The following SCN2A variants were observed in gnomAD, a reference collection of about 807,000 sequenced individuals.
SCN2A encodes sodium voltage-gated channel alpha subunit 2.
SCN2A carries 20 observed loss-of-function variants against 188.7 expected under a neutral mutation model. The observed-to-expected ratio is 0.11, with a 90% CI of 0.07 to 0.15. SCN2A has a LOEUF of 0.15. Ranked by LOEUF, SCN2A falls within the 10% of genes least tolerant of loss-of-function variation. The probability of loss-of-function intolerance (pLI) is 1.00; values close to 1 mark genes in which losing one functional copy is unlikely to be tolerated. For synonymous variants in SCN2A, 804 were observed against 833.1 expected (o/e 0.97, Z 0.60); for missense variants, 1,278 against 2,445.0 (o/e 0.52, Z 10.07).
At chr2:165,307,974 A>G (rs937383362) in intron 4 of SCN2A, 37 bp downstream of exon 4, 2 of 1,366,248 alleles carry the variant, frequency 1.5e-6, no homozygotes, top group South Asian at 1.2e-5. Context: ...ACCTCCCTTT[A>G]TGTTTCATAT....
intron 14 of SCN2A, among the ~76,000 whole-genome samples, chr2:165,339,191 A>G (rs1699176764): frequency 6.6e-6 from 1 of 151,788 alleles, no homozygotes; most frequent in African/African-American, 2.4e-5. Flanking sequence ...ACTGCACTCC[A>G]CACTTCAGCC....
chr2:165,291,770 G>A (rs1232727717), intron 1 of SCN2A, among the ~76,000 whole-genome samples: 1 of 151,486 alleles, frequency 6.6e-6, no homozygotes, highest in East Asian at 2.0e-4. Flanking sequence ...TTTCAGAAAT[G>A]CTTCTGTACC....
chr2:165,250,161 T>G (rs1694022188), intron 1 of SCN2A, among the ~76,000 whole-genome samples: 1 of 152,058 alleles, frequency 6.6e-6, no homozygotes, highest in African/African-American at 2.4e-5. Context: ...TTTTGTATGG[T>G]TCTATCAAGC....
intron 1 of SCN2A, among the ~76,000 whole-genome samples, chr2:165,250,911 G>C (rs1694061337): frequency 6.6e-6 from 1 of 151,908 alleles, no homozygotes; most frequent in Admixed American, 6.6e-5. Context: ...TGGTTTCCCA[G>C]ATTTCTGACC....
chr2:165,316,321 A>G (rs914655746), intron 11 of SCN2A, among the ~76,000 whole-genome samples: 21 of 152,282 alleles, frequency 1.4e-4, no homozygotes, highest in Non-Finnish European at 1.6e-4. Context: ...GTTTAGTTGT[A>G]CTTGATTATC....
chr2:165,365,055 A>G (rs1700649762), intron 17 of SCN2A, 88 bp from the exon 18 acceptor site: 3 of 1,174,406 alleles, frequency 2.6e-6, no homozygotes, highest in Non-Finnish European at 3.6e-6. Flanking sequence ...ATGCATACAG[A>G]AGATGGGGGG....
intron 1 of SCN2A, among the ~76,000 whole-genome samples, chr2:165,281,294 A>AGT (rs750353984): frequency 1.3e-5 from 2 of 151,676 alleles, no homozygotes; most frequent in Admixed American, 6.6e-5. Flanking sequence ...AGTGTGTGAA[A>AGT]GTGTGTGTGT....
At chr2:165,285,626 C>T (rs759411595) in intron 1 of SCN2A, 69 of 249,658 alleles carry the variant, frequency 2.8e-4, no homozygotes, top group African/African-American at 3.4e-4. Context: ...CTGTGGCTGC[C>T]GGACAAGGTC....
chr2:165,388,753 G>A lies in SCN2A; in HGVS notation c.4947G>A (p.Leu1649=). 1.2e-6 allele frequency: 2 copies of A among 1,614,044 alleles called. No homozygotes were observed. The highest frequency in any genetic ancestry group is 1.1e-5 in the South Asian group (1 of 91,080). Residue 1649 remains leucine, a synonymous_variant, in exon 27 of 27, where the codon CTG becomes CTA. Coordinates refer to ENST00000375437, the MANE Select transcript of SCN2A (RefSeq NM_001040142.2). The stretch of plus-strand genomic sequence containing the variant: ...AAGGAGCAAAGGGGATCCGCACGCT[G>A]CTCTTTGCTTTGATGATGTCCCTTC... The part of the protein sequence containing the change: ...LIKGAKGIRT[L]LFALMMSLPA...
intron 22 of SCN2A, 21 bp from the exon 23 acceptor site, chr2:165,377,576 A>T (rs1471971430): frequency 1.5e-5 from 24 of 1,593,690 alleles, no homozygotes; most frequent in Non-Finnish European, 2.1e-5. Context: ...AAAAAAGAAA[A>T]TGATATGACT....
At chr2:165,373,448 A>C (rs1701147640) in intron 21 of SCN2A, 101 bp downstream of exon 21, 1 of 1,329,312 alleles carries the variant, frequency 7.5e-7, no homozygotes, top group Admixed American at 1.8e-5. Context: ...TGTGTCTTAC[A>C]CATTCATACT....
At chr2:165,355,126 G>T (rs988708945) in intron 17 of SCN2A, among the ~76,000 whole-genome samples, 1 of 152,064 alleles carries the variant, frequency 6.6e-6, no homozygotes, top group Non-Finnish European at 1.5e-5. Flanking sequence ...TATTTTGTTT[G>T]CACAGACATA....
At chr2:165,342,273 A>G (rs752363181) in intron 14 of SCN2A, 23 bp from the exon 15 acceptor site, 1 of 1,603,930 alleles carries the variant, frequency 6.2e-7, no homozygotes, top group Non-Finnish European at 8.5e-7. Context: ...TTGCTCATAT[A>G]ATGAACTACA....
At chr2:165,276,771 G>A (rs1433203423) in intron 1 of SCN2A, among the ~76,000 whole-genome samples, 1 of 152,196 alleles carries the variant, frequency 6.6e-6, no homozygotes, top group African/African-American at 2.4e-5. Flanking sequence ...TAAGCCCACA[G>A]TAAAAAGGAA....
intron 19 of SCN2A, among the ~76,000 whole-genome samples, chr2:165,368,063 G>A (rs577263168): frequency 6.6e-6 from 1 of 152,282 alleles, no homozygotes; most frequent in East Asian, 1.9e-4. Flanking sequence ...CAGGAGGAAT[G>A]AGTTTGTACA....
chr2:165,354,545 T>C lies in SCN2A; in HGVS notation c.3273T>C (p.Asp1091=). The C allele has an allele frequency of 6.2e-7, 1 of 1,614,104 alleles. No homozygotes were observed. Among genetic ancestry groups the C allele is most frequent in the Non-Finnish European group, 8.5e-7 (1 of 1,179,986 alleles). ...AAAAATATGTCGTGGATGAAAGTGA[T>C]TACATGTCATTTATAAACAACCCTA... The part of the protein sequence containing the change: ...SVEKYVVDES[D]YMSFINNPSL... Residue 1091 remains aspartate (D), a synonymous_variant, in exon 17 of 27, where the codon GAT becomes GAC. Coordinates refer to ENST00000375437, the MANE Select transcript of SCN2A (RefSeq NM_001040142.2).
In SCN2A at chr2:165,315,459, G is replaced by T; in HGVS notation, c.1384-12G>T. On this transcript the variant is annotated splice_polypyrimidine_tract_variant and intron_variant, in intron 10 of 26. Coordinates refer to ENST00000375437, the MANE Select transcript of SCN2A (RefSeq NM_001040142.2). The stretch of plus-strand genomic sequence containing the variant: ...TTTATATGCAACTTCCACATACTTT[G>T]CGCCCTTCTAGGCGGCAGCTGCAGC... The T allele has an allele frequency of 1.2e-6, 2 of 1,613,654 alleles. No homozygotes were observed. The highest frequency in any genetic ancestry group is 1.7e-6 in the Non-Finnish European group (2 of 1,179,702).
chr2:165,273,778 A>G (rs1311856651), intron 1 of SCN2A: 1 of 152,094 alleles, frequency 6.6e-6, no homozygotes, highest in East Asian at 1.9e-4. Flanking sequence ...ATTTCCATAT[A>G]TTTTGGTTGG....
At chr2:165,352,216 A>G (rs1699957107) in intron 16 of SCN2A, among the ~76,000 whole-genome samples, 1 of 152,136 alleles carries the variant, frequency 6.6e-6, no homozygotes, top group African/African-American at 2.4e-5. Context: ...TAAGTTCAAA[A>G]GCAAATTACA....
Sources: allele counts gnomAD v4.1 joint callset (sites outside exome capture counted in the v4.1 genomes callset), GRCh38; gene constraint gnomAD v4.1.1; transcripts MANE v1.5; gene names NCBI Gene and HGNC (gene_info 2026-07-23, HGNC 2026-07-21).